EFCAB8: variants seen among roughly 807,000 people sequenced by gnomAD.
EFCAB8 encodes the protein EF-hand calcium-binding domain-containing protein 8.
In EFCAB8, 100 loss-of-function variants were observed where a neutral mutation model predicts 116.3. The ratio of observed to expected loss-of-function variants is 0.86; its 90% confidence interval spans 0.73 to 1.02. EFCAB8 has a LOEUF of 1.02. Ranked by LOEUF, EFCAB8 falls within the 50% of genes least tolerant of loss-of-function variation. The pLI is 0.00. For synonymous variants in EFCAB8, 558 were observed against 567.9 expected (o/e 0.98, Z 0.25); for missense variants, 1,320 against 1,416.9 (o/e 0.93, Z 1.10).
intron 7 of EFCAB8, among the ~76,000 whole-genome samples, chr20:32,890,609 C>T (rs1985865734): frequency 6.6e-6 from 1 of 152,166 alleles, no homozygotes; most frequent in African/African-American, 2.4e-5. Context: ...ACTGAGCAGA[C>T]CTGTAAGGTG....
chr20:32,929,853 C>A (rs1987825651), intron 20 of EFCAB8, among the ~76,000 whole-genome samples: 1 of 152,146 alleles, frequency 6.6e-6, no homozygotes, highest in Admixed American at 6.5e-5. Flanking sequence ...CCCACTGTGG[C>A]CCCCACATGG....
chr20:32,867,478 A>T, intron 2 of EFCAB8, 104 bp from the exon 3 acceptor site: 1 of 1,270,152 alleles, frequency 7.9e-7, no homozygotes, highest in African/African-American at 1.5e-5. Flanking sequence ...AACACTACTT[A>T]CCTTGTTCTT....
intron 20 of EFCAB8, among the ~76,000 whole-genome samples, chr20:32,925,720 G>A (rs1171431100): frequency 1.3e-5 from 2 of 152,224 alleles, no homozygotes; most frequent in Non-Finnish European, 2.9e-5. Context: ...CAGATGGCAC[G>A]CAGTAGAAAA....
intron 9 of EFCAB8, 84 bp from the exon 10 acceptor site, chr20:32,896,370 C>T: frequency 1.5e-6 from 1 of 686,092 alleles, no homozygotes; most frequent in Non-Finnish European, 2.7e-6. Flanking sequence ...AGTTGCAAGC[C>T]AACTCAAGAC....
intron 23 of EFCAB8, among the ~76,000 whole-genome samples, chr20:32,947,921 AAAAAG>A (rs1388020837): frequency 6.6e-6 from 1 of 151,554 alleles, no homozygotes; most frequent in Non-Finnish European, 1.5e-5. Context: ...AAAAAAAAGA[AAAAAG>A]AAACTAGAAA....
At chr20:32,957,532 C>CT (rs2146305927) in intron 23 of EFCAB8, among the ~76,000 whole-genome samples, 1 of 152,224 alleles carries the variant, frequency 6.6e-6, no homozygotes, top group East Asian at 1.9e-4. Flanking sequence ...AAATCTGTGT[C>CT]TGTTTCAGGC....
chr20:32,946,889 G>A (rs931235799), intron 23 of EFCAB8, among the ~76,000 whole-genome samples: 8 of 152,170 alleles, frequency 5.3e-5, no homozygotes, highest in Non-Finnish European at 1.2e-4. Flanking sequence ...ACATACACAT[G>A]TAGCTGAGTG....
chr20:32,878,555 G>A (rs1300576211), intron 4 of EFCAB8, 149 bp from the exon 5 acceptor site: 4 of 425,172 alleles, frequency 9.4e-6, no homozygotes, highest in African/African-American at 8.5e-5. Context: ...CTGTCGCCCA[G>A]GTCGGACTGC....
chr20:32,893,418 C>T (rs1027375666), intron 9 of EFCAB8, 120 bp downstream of exon 9: 27 of 1,405,168 alleles, frequency 1.9e-5, no homozygotes, highest in African/African-American at 2.9e-5. Context: ...TCTGGGAAGG[C>T]GTCTGCTTCC....
chr20:32,879,742 C>G (rs990306787), intron 5 of EFCAB8, among the ~76,000 whole-genome samples: 1 of 152,154 alleles, frequency 6.6e-6, no homozygotes, highest in African/African-American at 2.4e-5. Flanking sequence ...GTCCCTGTGT[C>G]TTTGGGCACC....
At chr20:32,956,822 A>C (rs1301334881) in intron 23 of EFCAB8, among the ~76,000 whole-genome samples, 1 of 152,062 alleles carries the variant, frequency 6.6e-6, no homozygotes, top group Non-Finnish European at 1.5e-5. Flanking sequence ...TTTGAAAAGC[A>C]TTCAGATATT....
rs1231745764 is a variant in EFCAB8 at position 32,885,576 on chromosome 20, CTG to C, written c.505_506del (p.Val169HisfsTer11). ...TTCAAGAAGATCGGGTGTTTCCTGA[CTG>C]TCACCAAAGACGGGATCCTGCAGTT... is the stretch of plus-strand genomic sequence containing the variant. On this transcript the variant is annotated frameshift_variant, in exon 6 of 27. Transcript: ENST00000400522. LOFTEE classifies it high-confidence loss of function. 26 of 1,551,674 alleles carry C rather than the reference CTG, an allele frequency of 1.7e-5. No homozygotes were observed. Among genetic ancestry groups the C allele is most frequent in the Non-Finnish European group, 2.0e-5 (23 of 1,147,024 alleles).
intron 23 of EFCAB8, among the ~76,000 whole-genome samples, chr20:32,956,983 A>G (rs1381982862): frequency 7.2e-6 from 1 of 138,810 alleles, no homozygotes; most frequent in African/African-American, 2.7e-5. Flanking sequence ...TCTGAATTCC[A>G]GATTATTTTT....
chr20:32,916,475 T>C (rs1160608953), intron 17 of EFCAB8, among the ~76,000 whole-genome samples: 7 of 152,026 alleles, frequency 4.6e-5, no homozygotes, highest in Admixed American at 2.6e-4. Context: ...CCCAAGCTGG[T>C]CTTGAACTCC....
At chr20:32,895,362 T>C (rs527477694) in intron 9 of EFCAB8, among the ~76,000 whole-genome samples, 3 of 150,996 alleles carry the variant, frequency 2.0e-5, no homozygotes, top group Admixed American at 2.0e-4. Context: ...TCATACTCTG[T>C]TGCCCAGGCT....
chr20:32,866,448 A>G (rs1274354678), intron 2 of EFCAB8, among the ~76,000 whole-genome samples: 1 of 151,276 alleles, frequency 6.6e-6, no homozygotes. Flanking sequence ...GACCTGACAC[A>G]TTATGCTAAG....
chr20:32,878,751 C>A lies in EFCAB8; in HGVS notation c.375C>A (p.Asp125Glu). 1 of 1,552,016 alleles carries A rather than the reference C, an allele frequency of 6.4e-7. No individual in the cohort carries two copies. Among genetic ancestry groups the A allele is most frequent in the South Asian group, 1.2e-5 (1 of 84,066 alleles). ...TGCGTGAGTTCCAGGGAAAAGAGGA[C>A]ATGCGAAAGAGCCAGTACCGCCTGC... ...YMMREFQGKE[D>E]MRKSQYRLHF... The change falls in exon 5 of 27, where the codon GAC (aspartate) becomes GAA (glutamate). Residue 125 changes from aspartate to glutamate, a missense_variant. Transcript: ENST00000400522.
At chr20:32,942,423 A>G (rs1444703624) in intron 22 of EFCAB8, among the ~76,000 whole-genome samples, 2 of 152,090 alleles carry the variant, frequency 1.3e-5, no homozygotes, top group African/African-American at 4.8e-5. Context: ...ATGGTAGATC[A>G]TGCCTGTAAT....
rs1988480472 is a variant in EFCAB8, at chr20:32,943,706, GTGTGGCAGACA to G, written c.2863_2873del (p.Val955ProfsTer26). The stretch of plus-strand genomic sequence containing the variant: ...ATGACCTGGAAAGGCCATTTGAATA[GTGTGGCAGACA>G]TCCTGTATGTGGACAACTTCCAGCT... On this transcript the variant is annotated frameshift_variant, in exon 23 of 27. Coordinates refer to ENST00000400522, the MANE Select transcript of EFCAB8 (RefSeq NM_001143967.2). LOFTEE classifies it high-confidence loss of function. The G allele has an allele frequency of 2.4e-6, 1 of 416,888 alleles. No individual in the cohort carries two copies. The highest frequency in any genetic ancestry group is 4.4e-6 in the Non-Finnish European group (1 of 226,518). 25.8% of individuals were successfully genotyped at this position (416,888 alleles called of 1,614,324 possible). A position where few individuals can be genotyped will look rare whatever the true frequency, so the allele number is the denominator to read the frequency against.
Sources: allele counts gnomAD v4.1 joint callset (sites outside exome capture counted in the v4.1 genomes callset), GRCh38; gene constraint gnomAD v4.1.1; transcripts MANE v1.5; gene names NCBI Gene and HGNC (gene_info 2026-07-23, HGNC 2026-07-21).